SORCS1: variants seen among roughly 807,000 people sequenced by gnomAD.
SORCS1 encodes the protein VPS10 domain-containing receptor SorCS1.
A neutral mutation model predicts 146.1 loss-of-function variants in SORCS1; 60 were observed. The observed-to-expected ratio is 0.41, with a 90% confidence interval of 0.33 to 0.51. The LOEUF (loss-of-function observed/expected upper bound fraction) is 0.51. Among genes scored for constraint, SORCS1 ranks in the 20% least tolerant of loss-of-function variants. The pLI is 0.21. For synonymous variants in SORCS1, 637 were observed against 584.0 expected (o/e 1.09, Z -1.31); for missense variants, 1,352 against 1,487.6 (o/e 0.91, Z 1.50).
chr10:107,162,589 C>T (rs1171927908), intron 1 of SORCS1, among the ~76,000 whole-genome samples: 3 of 152,154 alleles, frequency 2.0e-5, no homozygotes, highest in African/African-American at 7.2e-5. Flanking sequence ...AGGGAAAACC[C>T]TGCTACTACT....
At chr10:106,921,208 T>C (rs571621279) in intron 2 of SORCS1, among the ~76,000 whole-genome samples, 2 of 152,254 alleles carry the variant, frequency 1.3e-5, no homozygotes, top group Non-Finnish European at 1.5e-5. Flanking sequence ...AGCCCATACA[T>C]TCATGGGGCT....
intron 2 of SORCS1, among the ~76,000 whole-genome samples, chr10:106,882,064 T>A (rs537557761): frequency 6.6e-6 from 1 of 152,288 alleles, no homozygotes; most frequent in African/African-American, 2.4e-5. Context: ...TCTGAGTTAT[T>A]ATTTGTCATT....
rs1359735373 is a variant in SORCS1, at chr10:106,576,852, C to G, written c.*568G>C. 1 of 178,958 alleles carries G rather than the reference C, an allele frequency of 5.6e-6. No homozygotes were observed. The highest frequency in any genetic ancestry group is 2.4e-5 in the African/African-American group (1 of 41,636). The allele number at this position is 178,958 out of a possible 1,614,324, so 11.1% of individuals were successfully genotyped here. Reference sequence around the variant, plus strand: ...TGGGGTAGCTAATCCACCCATCAGCCTTTAATGCTAAAATAGCTGATAAAT... The same window carrying G: ...TGGGGTAGCTAATCCACCCATCAGCGTTTAATGCTAAAATAGCTGATAAAT... On this transcript the variant is annotated 3_prime_UTR_variant, in exon 26 of 26. Coordinates refer to ENST00000263054, the MANE Select transcript of SORCS1 (RefSeq NM_052918.5).
chr10:107,004,765 C>A (rs999164750), intron 1 of SORCS1, among the ~76,000 whole-genome samples: 3 of 152,098 alleles, frequency 2.0e-5, no homozygotes, highest in African/African-American at 7.2e-5. Flanking sequence ...TGCAGGCTGG[C>A]ATCATTAAAA....
intron 1 of SORCS1, among the ~76,000 whole-genome samples, chr10:107,074,041 A>T (rs1465532709): frequency 7.3e-5 from 11 of 150,628 alleles, no homozygotes; most frequent in African/African-American, 2.8e-4. Flanking sequence ...ACATTGACAC[A>T]TCGTCATCAC....
chr10:106,967,490 A>T (rs551156965), intron 1 of SORCS1, among the ~76,000 whole-genome samples: 1 of 152,204 alleles, frequency 6.6e-6, no homozygotes, highest in African/African-American at 2.4e-5. Context: ...ATGCATATTC[A>T]AGACAAGATC....
At chr10:107,150,463 C>T (rs1456930880) in intron 1 of SORCS1, among the ~76,000 whole-genome samples, 3 of 152,210 alleles carry the variant, frequency 2.0e-5, no homozygotes, top group Non-Finnish European at 4.4e-5. Context: ...AGAGTGGCTA[C>T]CTGTGCTAAC....
chr10:106,701,429 A>G (rs778628265), intron 8 of SORCS1, among the ~76,000 whole-genome samples: 3 of 152,238 alleles, frequency 2.0e-5, no homozygotes, highest in Non-Finnish European at 4.4e-5. Context: ...CATAAGGTCA[A>G]TATGACATGT....
At chr10:106,853,438 A>G (rs1191127012) in intron 2 of SORCS1, among the ~76,000 whole-genome samples, 2 of 144,536 alleles carry the variant, frequency 1.4e-5, no homozygotes, top group African/African-American at 5.1e-5. Flanking sequence ...GGTTTTGTTG[A>G]TTATCTATTT....
chr10:106,770,434 C>T (rs1358793558), intron 4 of SORCS1, among the ~76,000 whole-genome samples: 4 of 149,852 alleles, frequency 2.7e-5, no homozygotes, highest in Non-Finnish European at 4.4e-5. Context: ...TATTCTCCCT[C>T]GACAAAACCG....
At chr10:106,743,663 G>C (rs1273513421) in intron 5 of SORCS1, among the ~76,000 whole-genome samples, 1 of 152,086 alleles carries the variant, frequency 6.6e-6, no homozygotes, top group East Asian at 1.9e-4. Flanking sequence ...GACCTCAAGT[G>C]ATCCACCCAC....
chr10:106,608,912 A>C (rs576396791), intron 22 of SORCS1, among the ~76,000 whole-genome samples: 2 of 152,280 alleles, frequency 1.3e-5, no homozygotes, highest in South Asian at 4.1e-4. Context: ...CCAGGACTTT[A>C]CATAACTGCA....
At chr10:107,026,942 G>A (rs577251299) in intron 1 of SORCS1, among the ~76,000 whole-genome samples, 16 of 150,996 alleles carry the variant, frequency 1.1e-4, no homozygotes, top group Middle Eastern at 3.5e-3. Flanking sequence ...TCTCTAATGC[G>A]TCTTTAAAAA....
rs559447632 is a variant in SORCS1, at chr10:106,628,233, T to G, written c.2662+969A>C. ...AGACTCAACAACCAAAACACCTTTT[T>G]GTCATCCCCTAATAGTCTTGCCCTC... On this transcript the variant is annotated intron_variant, in intron 19 of 25. Transcript: ENST00000263054. Among the ~76,000 whole-genome samples, 243 of 152,328 alleles carry G rather than the reference T, an allele frequency of 1.6e-3. 2 individuals carry two copies. Among genetic ancestry groups the G allele is most frequent in the African/African-American group, 4.8e-3 (198 of 41,582 alleles).
chr10:106,816,317 T>A (rs570227461), intron 3 of SORCS1, among the ~76,000 whole-genome samples: 45 of 152,354 alleles, frequency 3.0e-4, no homozygotes, highest in African/African-American at 1.0e-3. Flanking sequence ...TGGCTCCAAA[T>A]GCCCTAAACC....
intron 3 of SORCS1, among the ~76,000 whole-genome samples, chr10:106,828,309 A>G (rs1231641058): frequency 6.6e-6 from 1 of 152,172 alleles, no homozygotes; most frequent in Non-Finnish European, 1.5e-5. Flanking sequence ...TACACTTTAT[A>G]TTAGTGGTTC....
At chr10:106,579,340 T>TG in intron 25 of SORCS1, 29 bp downstream of exon 25, 1 of 1,613,378 alleles carries the variant, frequency 6.2e-7, no homozygotes, top group Non-Finnish European at 8.5e-7. Flanking sequence ...AGGTCAGGGG[T>TG]GGGGGAACGT....
intron 1 of SORCS1, among the ~76,000 whole-genome samples, chr10:107,020,333 T>A (rs1210614704): frequency 6.6e-6 from 1 of 152,214 alleles, no homozygotes; most frequent in African/African-American, 2.4e-5. Context: ...GCCTGTAGAA[T>A]TCTGTTCAAA....
intron 1 of SORCS1, among the ~76,000 whole-genome samples, chr10:106,968,313 C>A (rs1236199766): frequency 6.6e-6 from 1 of 152,226 alleles, no homozygotes; most frequent in African/African-American, 2.4e-5. Flanking sequence ...TCTCTTCCAA[C>A]TTCCCTGATG....
Sources: gnomAD v4.1 joint callset for allele counts (sites outside exome capture counted in the v4.1 genomes callset) on GRCh38, gnomAD v4.1.1 for gene constraint, MANE v1.5 for transcripts, NCBI Gene and HGNC (gene_info 2026-07-23, HGNC 2026-07-21) for gene names.